MAGI2: variants seen among roughly 807,000 people sequenced by gnomAD.
The protein encoded by MAGI2 is membrane associated guanylate kinase, WW and PDZ domain containing 2, also known as membrane-associated guanylate kinase, WW and PDZ domain-containing protein 2.
In MAGI2, 35 loss-of-function variants were observed where a neutral mutation model predicts 133.3. That is an observed-to-expected ratio of 0.26 (90% CI 0.20 to 0.35). MAGI2 has a LOEUF of 0.35. MAGI2 is among the 10% of genes least tolerant of loss of function. The pLI is 1.00. For synonymous variants in MAGI2, 729 were observed against 710.6 expected (o/e 1.03, Z -0.41); for missense variants, 1,636 against 1,863.4 (o/e 0.88, Z 2.25).
At chr7:78,464,885 T>C (rs1390973530) in intron 6 of MAGI2, among the ~76,000 whole-genome samples, 1 of 152,140 alleles carries the variant, frequency 6.6e-6, no homozygotes, top group Non-Finnish European at 1.5e-5. Flanking sequence ...GGCAAGCATG[T>C]GTGTTTTAGT....
chr7:78,461,740 C>T (rs1396827716), intron 6 of MAGI2, among the ~76,000 whole-genome samples: 3 of 151,072 alleles, frequency 2.0e-5, no homozygotes, highest in African/African-American at 4.9e-5. Flanking sequence ...GGAGAAACCC[C>T]GTCTCTACTA....
At chr7:79,048,797 A>C (rs1812410096) in intron 1 of MAGI2, among the ~76,000 whole-genome samples, 1 of 152,132 alleles carries the variant, frequency 6.6e-6, no homozygotes, top group Non-Finnish European at 1.5e-5. Context: ...AACAGTGTGA[A>C]ATCCTATCTC....
At chr7:78,997,564 T>C (rs1411374812) in intron 2 of MAGI2, among the ~76,000 whole-genome samples, 2 of 149,372 alleles carry the variant, frequency 1.3e-5, no homozygotes, top group Non-Finnish European at 3.0e-5. Context: ...ATCGTGCCAT[T>C]GCACTCCAGC....
In MAGI2 at chr7:78,079,080, T is replaced by C; in HGVS notation, c.3573A>G (p.Gly1191=). 1.2e-6 allele frequency: 2 copies of C among 1,613,440 alleles called. No homozygotes were observed. Among genetic ancestry groups the C allele is most frequent in the Non-Finnish European group, 1.7e-6 (2 of 1,179,832 alleles). The change falls in exon 21 of 22, where the codon GGA becomes GGG. Residue 1191 remains glycine, a synonymous_variant. Transcript: ENST00000354212. ...CCCCATTGATTTCAATGATTTGATCTCCTACCTGTTGATTAAAGAAAAATT... is the reference window on the plus strand; with the variant it reads ...CCCCATTGATTTCAATGATTTGATCCCCTACCTGTTGATTAAAGAAAAATT... ...PAIRNGRMRV[G]DQIIEINGES...
At chr7:78,521,818 ATATT>A (rs1219634019) in intron 3 of MAGI2, among the ~76,000 whole-genome samples, 173 bp from the exon 4 acceptor site, 1 of 152,056 alleles carries the variant, frequency 6.6e-6, no homozygotes, top group Non-Finnish European at 1.5e-5. Context: ...ATATATATAC[ATATT>A]TATTTGTTCC....
intron 6 of MAGI2, among the ~76,000 whole-genome samples, chr7:78,433,233 C>G (rs1392253661): frequency 6.6e-6 from 1 of 152,076 alleles, no homozygotes; most frequent in Non-Finnish European, 1.5e-5. Flanking sequence ...TACAGCTTAA[C>G]TACCTAAGTA....
At chr7:79,427,385 T>A (rs1473080989) in intron 1 of MAGI2, among the ~76,000 whole-genome samples, 1 of 152,038 alleles carries the variant, frequency 6.6e-6, no homozygotes, top group Non-Finnish European at 1.5e-5. Flanking sequence ...AATTAAAAAA[T>A]TAATTAAATT....
intron 2 of MAGI2, among the ~76,000 whole-genome samples, chr7:78,786,020 T>C (rs898065482): frequency 2.6e-5 from 4 of 152,108 alleles, no homozygotes; most frequent in Non-Finnish European, 5.9e-5. Flanking sequence ...AGGTGTCTAC[T>C]GGACATTTAT....
intron 1 of MAGI2, among the ~76,000 whole-genome samples, chr7:79,027,425 C>T (rs747288492): frequency 6.6e-6 from 1 of 151,832 alleles, no homozygotes; most frequent in Non-Finnish European, 1.5e-5. Flanking sequence ...GATTGGAGAA[C>T]ATTACGCTAA....
chr7:78,447,032 A>T (rs534252933), intron 6 of MAGI2, among the ~76,000 whole-genome samples: 1 of 152,200 alleles, frequency 6.6e-6, no homozygotes, highest in African/African-American at 2.4e-5. Context: ...CAAATTTTTC[A>T]TCAGAATGAT....
At chr7:78,099,662 C>T (rs1022527402) in intron 20 of MAGI2, among the ~76,000 whole-genome samples, 1 of 152,116 alleles carries the variant, frequency 6.6e-6, no homozygotes, top group African/African-American at 2.4e-5. Flanking sequence ...CTTGCTGCAC[C>T]AAGAAACAAT....
intron 14 of MAGI2, among the ~76,000 whole-genome samples, chr7:78,176,186 T>A (rs1387169718): frequency 1.3e-5 from 2 of 152,154 alleles, no homozygotes; most frequent in Non-Finnish European, 2.9e-5. Flanking sequence ...AGATTCTTAA[T>A]TTAGTCTCTG....
intron 6 of MAGI2, among the ~76,000 whole-genome samples, chr7:78,473,930 A>G (rs1791484007): frequency 6.6e-6 from 1 of 152,054 alleles, no homozygotes; most frequent in African/African-American, 2.4e-5. Flanking sequence ...ACCTATAAAA[A>G]GTGAACTAGC....
In MAGI2 at chr7:78,521,437, T is replaced by C; in HGVS notation, c.747A>G (p.Val249=). 6.2e-7 allele frequency: 1 copy of C among 1,613,462 alleles called. No individual in the cohort carries two copies. ...RPVVNGNGVV[V]TPESSEHEDK... The stretch of plus-strand genomic sequence containing the variant: ...AAAATGTAAATGACTAACCTGGTGT[T>C]ACTACTACTCCATTTCCATTGACCA... The change falls in exon 4 of 22, where the codon GTA becomes GTG. Residue 249 remains valine, a synonymous_variant. Transcript: ENST00000354212.
At chr7:78,195,942 A>G (rs1462312714) in intron 11 of MAGI2, among the ~76,000 whole-genome samples, 1 of 152,140 alleles carries the variant, frequency 6.6e-6, no homozygotes, top group African/African-American at 2.4e-5. Flanking sequence ...CGTATGTAAG[A>G]TTTAGACTAG....
At chr7:79,162,893 G>C (rs369290318) in intron 1 of MAGI2, among the ~76,000 whole-genome samples, 2 of 151,830 alleles carry the variant, frequency 1.3e-5, no homozygotes, top group Admixed American at 1.3e-4. Context: ...TTGTTCATTG[G>C]CTTTTTACTT....
intron 3 of MAGI2, among the ~76,000 whole-genome samples, chr7:78,551,914 T>C (rs922413039): frequency 6.6e-6 from 1 of 152,048 alleles, no homozygotes; most frequent in South Asian, 2.1e-4. Flanking sequence ...CCAGCTAATT[T>C]TTGTATTTTT....
chr7:79,398,619 C>G (rs1376014051), intron 1 of MAGI2, among the ~76,000 whole-genome samples: 1 of 152,152 alleles, frequency 6.6e-6, no homozygotes, highest in Non-Finnish European at 1.5e-5. Context: ...AAACCTAAAC[C>G]AATTACTTTC....
chr7:79,357,485 C>T (rs532927535), intron 1 of MAGI2, among the ~76,000 whole-genome samples: 55 of 152,302 alleles, frequency 3.6e-4, no homozygotes, highest in Admixed American at 2.2e-3. Flanking sequence ...AGTACCATCA[C>T]TTTAATGTCC....
Sources: allele counts gnomAD v4.1 joint callset (sites outside exome capture counted in the v4.1 genomes callset), GRCh38; gene constraint gnomAD v4.1.1; transcripts MANE v1.5; gene names NCBI Gene and HGNC (gene_info 2026-07-23, HGNC 2026-07-21).